Variants in TOGARAM1 observed in about 807,000 individuals in gnomAD.
The protein encoded by TOGARAM1 is TOG array regulator of axonemal microtubules protein 1.
A neutral mutation model predicts 166.6 loss-of-function variants in TOGARAM1; 100 were observed. That is an observed-to-expected ratio of 0.60 (90% CI 0.51 to 0.71). The LOEUF (loss-of-function observed/expected upper bound fraction) is 0.71, where lower values mean the gene tolerates loss of function less well. Ranked by LOEUF, TOGARAM1 falls within the 30% of genes least tolerant of loss-of-function variation. The pLI is 0.00. For synonymous variants in TOGARAM1, 758 were observed against 763.8 expected, an observed-to-expected ratio of 0.99 and a Z score of 0.13; for missense variants, 2,029 against 2,102.7, an observed-to-expected ratio of 0.96 and a Z score of 0.69.
In TOGARAM1 at chr14:45,046,651, C is replaced by T. The variant is rs375633921; in HGVS notation, c.4261C>T (p.Arg1421Cys). Reference sequence around the variant, plus strand: ...ATCTGCAGCAAAGGATATGGCTGAACGCATATTACCAGCTGCTGCTAAGTT... The same window carrying T: ...ATCTGCAGCAAAGGATATGGCTGAATGCATATTACCAGCTGCTGCTAAGTT... ...ILSAAKDMAE[R>C]ILPAAAKFAQ... The change falls in exon 14 of 20, where the codon CGC (arginine) becomes TGC (cysteine). Residue 1421 changes from arginine to cysteine, a missense_variant. Physicochemically the swap from Arg to Cys is radical, Grantham distance 180. This residue lies in a region of TOGARAM1 where 576 missense variants were observed against 670.5 expected (regional missense o/e 0.86). Coordinates refer to ENST00000361462, the MANE Select transcript of TOGARAM1 (RefSeq NM_001308120.2). The T allele has an allele frequency of 9.6e-6, 13 of 1,351,686 alleles. No homozygotes were observed. The highest frequency in any genetic ancestry group is 5.7e-5 in the East Asian group (2 of 35,104). The allele number at this position is 1,351,686 out of a possible 1,614,324, so 83.7% of individuals were successfully genotyped here.
chr14:45,074,422 T>G lies in TOGARAM1; in HGVS notation c.*861T>G, dbSNP rs1000047015. 6.6e-6 allele frequency: 1 copy of G among 152,560 alleles called. No homozygotes were observed. The highest frequency in any genetic ancestry group is 2.4e-5 in the African/African-American group (1 of 41,432). The allele number at this position is 152,560 out of a possible 1,614,324, so 9.5% of individuals were successfully genotyped here. A position where few individuals can be genotyped will look rare whatever the true frequency, so the allele number is the denominator to read the frequency against. On this transcript the variant is annotated 3_prime_UTR_variant, in exon 20 of 20. Transcript: ENST00000361462. The stretch of plus-strand genomic sequence containing the variant: ...AGGAATGTTATAAAATAAAAGGATT[T>G]ATTTCTTTAGATGTGTGAGAGGTGT...
rs140916519 is a variant in TOGARAM1 at position 45,073,197 on chromosome 14, T to C, written c.5057-99T>C. 5.1e-6 allele frequency: 6 copies of C among 1,176,508 alleles called. No individual in the cohort carries two copies. The East Asian group carries it at 1.3e-4, about 25-fold the overall frequency. The allele number at this position is 1,176,508 out of a possible 1,614,324, so 72.9% of individuals were successfully genotyped here. On this transcript the variant is annotated intron_variant, in intron 19 of 19. Coordinates refer to ENST00000361462, the MANE Select transcript of TOGARAM1 (RefSeq NM_001308120.2). ...GCCTAACTTTTTAGGACAAATTACA[T>C]AAGGAAGAAGCTTAGTATATTTTAG...
chr14:44,984,602 T>TAA lies in TOGARAM1; in HGVS notation c.2047-11132_2047-11131dup, dbSNP rs755999476. Among the ~76,000 whole-genome samples, 12 of 142,028 alleles carry TAA rather than the reference T, an allele frequency of 8.4e-5. No homozygotes were observed. The South Asian group carries it at 2.0e-3, about 24-fold the overall frequency. The allele number at this position is 142,028 out of a possible 152,430, so 93.2% of individuals were successfully genotyped here. ...TGGGCAATATACGAGACCCTGTCTC[T>TAA]AAAAAAAAAAAAATGCAAATAAATT... On this transcript the variant is annotated intron_variant, in intron 1 of 19. Coordinates refer to ENST00000361462, the MANE Select transcript of TOGARAM1 (RefSeq NM_001308120.2).
In TOGARAM1 at chr14:45,021,636, C is replaced by A. The variant is rs28849528; in HGVS notation, c.3239-4147C>A. On this transcript the variant is annotated intron_variant, in intron 7 of 19. Coordinates refer to ENST00000361462, the MANE Select transcript of TOGARAM1 (RefSeq NM_001308120.2). ...TTTTGGCAGTAGCCAGGGTTTGACT[C>A]GAGTGTGATGTATCCTAGACTCCAC... Among the ~76,000 whole-genome samples, 460 of 152,114 alleles carry A rather than the reference C, an allele frequency of 3.0e-3. 3 individuals carry two copies. The highest frequency in any genetic ancestry group is 0.011 in the African/African-American group (448 of 41,470).
At chr14:45,064,596 G>A (rs1029284206) in intron 16 of TOGARAM1, among the ~76,000 whole-genome samples, 4 of 151,964 alleles carry the variant, frequency 2.6e-5, no homozygotes, top group East Asian at 1.9e-4. Context: ...TTAGCCTCCC[G>A]AGTACCTGGG....
intron 15 of TOGARAM1, 118 bp downstream of exon 15, chr14:45,052,680 T>C (rs1882433776): frequency 2.2e-6 from 2 of 914,964 alleles, no homozygotes; most frequent in South Asian, 4.2e-5. Context: ...ATTTGGACTA[T>C]TGGACTATAT....
chr14:45,060,430 G>T (rs1882853943), intron 16 of TOGARAM1, among the ~76,000 whole-genome samples: 1 of 151,852 alleles, frequency 6.6e-6, no homozygotes, highest in Non-Finnish European at 1.5e-5. Flanking sequence ...TGGCCAGACT[G>T]GTCTTGAACC....
chr14:45,018,762 C>T (rs570828573), intron 7 of TOGARAM1, among the ~76,000 whole-genome samples: 1 of 152,260 alleles, frequency 6.6e-6, no homozygotes, highest in Admixed American at 6.5e-5. Context: ...ACGATTTTTC[C>T]ATATTTATTT....
At chr14:45,052,983 C>T (rs548936093) in intron 15 of TOGARAM1, among the ~76,000 whole-genome samples, 45 of 151,874 alleles carry the variant, frequency 3.0e-4, no homozygotes, top group African/African-American at 8.7e-4. Flanking sequence ...AGAGCTATTA[C>T]CACACTGCAG....
chr14:45,021,639 G>A (rs925385557), intron 7 of TOGARAM1, among the ~76,000 whole-genome samples: 1 of 152,144 alleles, frequency 6.6e-6, no homozygotes, highest in African/African-American at 2.4e-5. Context: ...TTTGACTCGA[G>A]TGTGATGTAT....
chr14:45,046,691 C>A lies in TOGARAM1; in HGVS notation c.4301C>A (p.Ser1434Ter). Residue 1434 changes from serine to a stop codon, truncating the protein, a stop_gained, in exon 14 of 20, where the codon TCA becomes TAA. Coordinates refer to ENST00000361462, the MANE Select transcript of TOGARAM1 (RefSeq NM_001308120.2). LOFTEE classifies it high-confidence loss of function. The stretch of plus-strand genomic sequence containing the variant: ...GCTGCTAAGTTTGCTCAAGACAGTT[C>A]ACAAGAAACCAGGTGAATATCTGCT... ...PAAAKFAQDSSQETRYYGRKM... is the reference protein window; with the variant it reads ...PAAAKFAQDS 1 of 1,286,400 alleles carries A rather than the reference C, an allele frequency of 7.8e-7. No homozygotes were observed. Among genetic ancestry groups the A allele is most frequent in the Non-Finnish European group, 9.9e-7 (1 of 1,006,594 alleles). The allele number at this position is 1,286,400 out of a possible 1,614,324, so 79.7% of individuals were successfully genotyped here.
intron 1 of TOGARAM1, among the ~76,000 whole-genome samples, chr14:44,968,569 GTT>G (rs1885692731): frequency 1.3e-5 from 2 of 152,192 alleles, no homozygotes; most frequent in Non-Finnish European, 2.9e-5. Context: ...TTTTAAAGCA[GTT>G]TTAGGTTCTC....
chr14:44,972,037 T>C (rs1885913918), intron 1 of TOGARAM1, among the ~76,000 whole-genome samples: 1 of 152,110 alleles, frequency 6.6e-6, no homozygotes, highest in Non-Finnish European at 1.5e-5. Context: ...GAGGAGATGC[T>C]ACACACTTTT....
rs1880902076 is a variant in TOGARAM1 at position 45,027,203 on chromosome 14, T to C, written c.3329-96T>C. On this transcript the variant is annotated intron_variant, in intron 8 of 19. Coordinates refer to ENST00000361462, the MANE Select transcript of TOGARAM1 (RefSeq NM_001308120.2). Reference sequence around the variant, plus strand: ...ATGTTTTTCTTACTAACTGTGTTGTTTGATTCTTGAAGGCAAGAGCCTTGC... The same window carrying C: ...ATGTTTTTCTTACTAACTGTGTTGTCTGATTCTTGAAGGCAAGAGCCTTGC... The C allele has an allele frequency of 2.5e-6, 3 of 1,206,106 alleles. No homozygotes were observed. In the East Asian group the frequency reaches 7.2e-5, roughly 29 times the overall value. 74.7% of individuals were successfully genotyped at this position (1,206,106 alleles called of 1,614,324 possible). A position where few individuals can be genotyped will look rare whatever the true frequency, so the allele number is the denominator to read the frequency against.
chr14:45,052,910 A>T (rs1006247742), intron 15 of TOGARAM1, among the ~76,000 whole-genome samples: 1 of 152,182 alleles, frequency 6.6e-6, no homozygotes, highest in East Asian at 1.9e-4. Context: ...ACTTTATAAA[A>T]TGAGGATAAT....
intron 14 of TOGARAM1, among the ~76,000 whole-genome samples, chr14:45,049,108 G>T (rs929372364): frequency 7.0e-6 from 1 of 142,118 alleles, no homozygotes; most frequent in East Asian, 2.1e-4. Flanking sequence ...GCATTTCCTT[G>T]CTGGCTGTCA....
Position 45,032,284 on chromosome 14 carries a change from T to A in TOGARAM1, c.3720T>A (p.Ser1240Arg). 1 of 1,613,952 alleles carries A rather than the reference T, an allele frequency of 6.2e-7. No individual in the cohort carries two copies. Among genetic ancestry groups the A allele is most frequent in the Non-Finnish European group, 8.5e-7 (1 of 1,179,828 alleles). Residue 1240 changes from serine (S) to arginine (R), a missense_variant, in exon 11 of 20, where the codon AGT becomes AGA. Around this residue, in one of 2 missense-constraint regions of TOGARAM1, gnomAD observed 576 missense variants for 670.5 expected, o/e 0.86. Transcript: ENST00000361462. ...AAAGGATGCCTTCTGTCACTCATAG[T>A]CCAGAAATAATGGATCTGTCAGAAC... ...YKERMPSVTHSPEIMDLSELR... is the reference protein window; with the variant it reads ...YKERMPSVTHRPEIMDLSELR...
chr14:45,043,198 GA>G (rs1283540324), intron 11 of TOGARAM1, among the ~76,000 whole-genome samples: 1 of 150,848 alleles, frequency 6.6e-6, no homozygotes, highest in Non-Finnish European at 1.5e-5. Context: ...TTCTCTTTGA[GA>G]CGGAGTCTTG....
At chr14:45,005,639 T>A (rs979031736) in intron 4 of TOGARAM1, among the ~76,000 whole-genome samples, 34 of 152,048 alleles carry the variant, frequency 2.2e-4, no homozygotes, top group Non-Finnish European at 3.5e-4. Context: ...TAAATAAAAA[T>A]AAAAAGATGT....
Sources: allele counts gnomAD v4.1 joint callset (sites outside exome capture counted in the v4.1 genomes callset), GRCh38; gene constraint gnomAD v4.1.1; regional missense constraint gnomAD v4.1.1; transcripts MANE v1.5; gene names NCBI Gene and HGNC (gene_info 2026-07-23, HGNC 2026-07-21).